Variants in ZBTB46 observed in about 807,000 individuals in gnomAD.
The protein encoded by ZBTB46 is zinc finger and BTB domain-containing protein 46.
A neutral mutation model predicts 44.1 loss-of-function variants in ZBTB46; 8 were observed. That is an observed-to-expected ratio of 0.18 (90% CI 0.11 to 0.33). ZBTB46 has a LOEUF of 0.33. Ranked by LOEUF, ZBTB46 falls within the 10% of genes least tolerant of loss-of-function variation. ZBTB46 has a pLI of 1.00. For missense variants in ZBTB46, 651 were observed against 847.7 expected, an observed-to-expected ratio of 0.77 and a Z score of 2.88; for synonymous variants, 409 against 382.3, an observed-to-expected ratio of 1.07 and a Z score of -0.81.
At chr20:63,788,566 C>T (rs891400819) in intron 2 of ZBTB46, among the ~76,000 whole-genome samples, 1 of 152,044 alleles carries the variant, frequency 6.6e-6, no homozygotes. Flanking sequence ...CAGCCAGGCG[C>T]GGTGGCTCAC....
intron 1 of ZBTB46, among the ~76,000 whole-genome samples, chr20:63,797,455 A>G (rs1238960176): frequency 1.3e-5 from 2 of 152,194 alleles, no homozygotes; most frequent in Non-Finnish European, 2.9e-5. Flanking sequence ...TAGTGCCACA[A>G]TAAACATACG....
At position 63,752,659 on chromosome 20, in the gene ZBTB46, C is replaced by A. The variant is rs2092180453; in HGVS notation, c.1398+27G>T. On this transcript the variant is annotated intron_variant, in intron 4 of 4. Coordinates refer to ENST00000245663, the MANE Select transcript of ZBTB46 (RefSeq NM_001369741.1). The surrounding 1 kb of genome is among the most constrained non-coding windows in gnomAD (Gnocchi z 5.6). ...GGACATCGTGGCCACGCGCAGCGCG[C>A]GGCACGCGGACCCTCCCCGCACTCA... The A allele has an allele frequency of 1.3e-6, 2 of 1,504,930 alleles. No individual in the cohort carries two copies. Among genetic ancestry groups the A allele is most frequent in the Non-Finnish European group, 1.8e-6 (2 of 1,126,242 alleles). 93.2% of individuals were successfully genotyped at this position (1,504,930 alleles called of 1,614,324 possible). A position where few individuals can be genotyped will look rare whatever the true frequency, so the allele number is the denominator to read the frequency against.
intron 2 of ZBTB46, among the ~76,000 whole-genome samples, 193 bp from the exon 3 acceptor site, chr20:63,776,155 C>G (rs2092424194): frequency 6.6e-6 from 1 of 152,256 alleles, no homozygotes; most frequent in Non-Finnish European, 1.5e-5. Flanking sequence ...GCCTTTCCTG[C>G]CCACCCAGGT....
At chr20:63,825,429 G>A (rs867040283) in intron 1 of ZBTB46, among the ~76,000 whole-genome samples, 30 of 26,286 alleles carry the variant, frequency 1.1e-3, no homozygotes, top group Non-Finnish European at 1.0e-3. Context: ...CCTCCCTCCC[G>A]CCCACCATCT....
chr20:63,772,363 A>G (rs1010483397), intron 3 of ZBTB46, among the ~76,000 whole-genome samples: 15 of 152,224 alleles, frequency 9.9e-5, no homozygotes, highest in Non-Finnish European at 2.9e-5. Context: ...AGAACTTAAG[A>G]GAAATAACAA....
In ZBTB46 at chr20:63,823,238, G is replaced by A. The variant is rs559242806; in HGVS notation, c.-34+7859C>T. Among the ~76,000 whole-genome samples, 183 of 151,716 alleles carry A rather than the reference G, an allele frequency of 1.2e-3. 1 individual carries two copies. The highest frequency in any genetic ancestry group is 3.5e-3 in the Middle Eastern group (1 of 286). The stretch of plus-strand genomic sequence containing the variant: ...AGGCACAGTGGCTCACTGTCATCCC[G>A]GTACTTTGGGGGTTCCAGGTGGGCA... On this transcript the variant is annotated intron_variant, in intron 1 of 4. Coordinates refer to ENST00000245663, the MANE Select transcript of ZBTB46 (RefSeq NM_001369741.1).
At chr20:63,762,714 C>T (rs2092288239) in intron 3 of ZBTB46, among the ~76,000 whole-genome samples, 1 of 151,920 alleles carries the variant, frequency 6.6e-6, no homozygotes, top group South Asian at 2.1e-4. Context: ...GAGCAATATG[C>T]ATTAGGATTG....
chr20:63,776,094 C>G, intron 2 of ZBTB46, 132 bp from the exon 3 acceptor site: 1 of 1,195,210 alleles, frequency 8.4e-7, no homozygotes, highest in Non-Finnish European at 1.1e-6. Flanking sequence ...TCCAGCCCAC[C>G]CTGGGAGCCG....
chr20:63,768,562 G>A (rs1335623980), intron 3 of ZBTB46, among the ~76,000 whole-genome samples: 1 of 151,624 alleles, frequency 6.6e-6, no homozygotes, highest in Non-Finnish European at 1.5e-5. Flanking sequence ...AGCTAAGATC[G>A]CACCACTGCA....
In ZBTB46 at chr20:63,745,353, G is replaced by C. The variant is rs1487562710; in HGVS notation, c.*1577C>G. Reference sequence around the variant, plus strand: ...CGGGGGCCAATGTCAAAAAACAAAAGCCGTGACTCCTGCGCTGTACCTGGA... The same window carrying C: ...CGGGGGCCAATGTCAAAAAACAAAACCCGTGACTCCTGCGCTGTACCTGGA... On this transcript the variant is annotated 3_prime_UTR_variant, in exon 5 of 5. Transcript: ENST00000245663. 1 of 152,266 alleles carries C rather than the reference G, an allele frequency of 6.6e-6. No homozygotes were observed. The highest frequency in any genetic ancestry group is 6.5e-5 in the Admixed American group (1 of 15,272). 9.4% of individuals were successfully genotyped at this position (152,266 alleles called of 1,614,324 possible).
chr20:63,747,836 C>T (rs1313894367), intron 4 of ZBTB46, among the ~76,000 whole-genome samples: 1 of 152,164 alleles, frequency 6.6e-6, no homozygotes, highest in Non-Finnish European at 1.5e-5. Flanking sequence ...CCACCAGAGG[C>T]CCCCTGGGTT....
At chr20:63,806,520 G>A (rs1204318563) in intron 1 of ZBTB46, among the ~76,000 whole-genome samples, 3 of 151,960 alleles carry the variant, frequency 2.0e-5, no homozygotes, top group African/African-American at 7.3e-5. Flanking sequence ...GACCTGAAAT[G>A]GTAACTTCAA....
At chr20:63,765,429 G>C (rs1032967904) in intron 3 of ZBTB46, among the ~76,000 whole-genome samples, 1 of 152,074 alleles carries the variant, frequency 6.6e-6, no homozygotes, top group African/African-American at 2.4e-5. Context: ...GTTATGTGTG[G>C]GCGTTTCTTT....
intron 3 of ZBTB46, among the ~76,000 whole-genome samples, chr20:63,765,059 T>C (rs1408691181): frequency 1.5e-5 from 2 of 137,822 alleles, no homozygotes; most frequent in Non-Finnish European, 3.1e-5. Flanking sequence ...GTGTGTATGT[T>C]TGTATGTGCA....
intron 1 of ZBTB46, among the ~76,000 whole-genome samples, chr20:63,818,694 A>G (rs1400393548): frequency 6.6e-6 from 1 of 151,574 alleles, no homozygotes; most frequent in African/African-American, 2.4e-5. Flanking sequence ...TGTCTATTAA[A>G]AAAAAATGCA....
rs2092662275 is a variant in ZBTB46 at position 63,803,468 on chromosome 20, G to T, written c.-33-12678C>A. The T allele has an allele frequency of 2.0e-6, 2 of 985,236 alleles. No individual in the cohort carries two copies. Among genetic ancestry groups the T allele is most frequent in the Non-Finnish European group, 2.4e-6 (2 of 829,926 alleles). 61.0% of individuals were successfully genotyped at this position (985,236 alleles called of 1,614,324 possible). On this transcript the variant is annotated intron_variant, in intron 1 of 4. Coordinates refer to ENST00000245663, the MANE Select transcript of ZBTB46 (RefSeq NM_001369741.1). The surrounding 1 kb of genome is among the most constrained non-coding windows in gnomAD (Gnocchi z 4.0). ...TCCACATCATCTCCAGTGAGCAAGT[G>T]GGTGCTGGCGATGAGGACTTTAGGT... is the stretch of plus-strand genomic sequence containing the variant.
At chr20:63,758,807 T>C (rs1467759046) in intron 3 of ZBTB46, among the ~76,000 whole-genome samples, 2 of 151,592 alleles carry the variant, frequency 1.3e-5, no homozygotes, top group Admixed American at 6.6e-5. Context: ...TCTCAGCTCA[T>C]TGCAAGCTCC....
chr20:63,802,215 G>T (rs1032173790), intron 1 of ZBTB46, among the ~76,000 whole-genome samples: 1 of 152,134 alleles, frequency 6.6e-6, no homozygotes, highest in South Asian at 2.1e-4. Context: ...TTGAGGCCAG[G>T]AGTTTGAGAC....
At chr20:63,813,456 A>T (rs59295094) in intron 1 of ZBTB46, among the ~76,000 whole-genome samples, 33,740 of 151,212 alleles carry the variant, frequency 0.22, 3,937 homozygotes, top group Middle Eastern at 0.35. Context: ...TCAAAAAAAA[A>T]AAATAAATAA....
Sources: allele counts gnomAD v4.1 joint callset (sites outside exome capture counted in the v4.1 genomes callset), GRCh38; gene constraint gnomAD v4.1.1; non-coding constraint Gnocchi (gnomAD v3.1); transcripts MANE v1.5; gene names NCBI Gene and HGNC (gene_info 2026-07-23, HGNC 2026-07-21).